Variants in SLC6A13 observed in about 807,000 individuals in gnomAD.
SLC6A13 encodes the protein sodium- and chloride-dependent GABA transporter 2.
Under a neutral mutation model 72.9 loss-of-function variants are expected in SLC6A13, and 69 were observed. The ratio of observed to expected loss-of-function variants is 0.95; its 90% CI spans 0.78 to 1.16. The LOEUF is 1.16. Among genes scored for constraint, SLC6A13 ranks in the 50% most tolerant of loss-of-function variants. The pLI, the probability that SLC6A13 is intolerant of heterozygous loss-of-function variation, is 0.00. For synonymous variants in SLC6A13, 303 were observed against 303.0 expected (o/e 1.00, Z 0.00); for missense variants, 735 against 760.5 (o/e 0.97, Z 0.39).
At chr12:255,389 G>A (rs1399692500) in intron 2 of SLC6A13, among the ~76,000 whole-genome samples, 3 of 152,072 alleles carry the variant, frequency 2.0e-5, no homozygotes, top group Non-Finnish European at 2.9e-5. Flanking sequence ...CAGCTAGAGA[G>A]ATTATTTTAA....
intron 6 of SLC6A13, among the ~76,000 whole-genome samples, chr12:235,970 T>C (rs192329892): frequency 6.6e-6 from 1 of 152,308 alleles, no homozygotes; most frequent in East Asian, 1.9e-4. Context: ...GGAAAAACTC[T>C]GCCCTGGTAA....
Position 223,622 on chromosome 12 carries a change from G to A in SLC6A13, c.1311+370C>T, listed in dbSNP as rs577870681. The A allele has an allele frequency of 2.1e-4, 68 of 324,746 alleles. No homozygotes were observed. The East Asian group carries it at 4.1e-3, about 20-fold the overall frequency. 20.1% of individuals were successfully genotyped at this position (324,746 alleles called of 1,614,324 possible). A position where few individuals can be genotyped will look rare whatever the true frequency, so the allele number is the denominator to read the frequency against. ...CTTCTCCCTTGAGATGCCACAGAAT[G>A]TCACCCAGCCCCAGGCCTCCCTTTC... is the stretch of plus-strand genomic sequence containing the variant. On this transcript the variant is annotated intron_variant, in intron 11 of 14. Coordinates refer to ENST00000343164, the MANE Select transcript of SLC6A13 (RefSeq NM_016615.5).
At chr12:230,603 C>A (rs1941669576) in intron 7 of SLC6A13, among the ~76,000 whole-genome samples, 1 of 152,156 alleles carries the variant, frequency 6.6e-6, no homozygotes, top group Non-Finnish European at 1.5e-5. Context: ...TAATAAAAAG[C>A]AGCTCTTAAA....
At position 240,567 on chromosome 12, in the gene SLC6A13, G is replaced by A. The variant is rs559340749; in HGVS notation, c.478+2047C>T. Reference sequence around the variant, plus strand: ...TCGATCAATATTTTTGAGTGCTTACGATAGAGCCAGCACTGTGCTAGGCAC... The same window carrying A: ...TCGATCAATATTTTTGAGTGCTTACAATAGAGCCAGCACTGTGCTAGGCAC... On this transcript the variant is annotated intron_variant, in intron 4 of 14. Coordinates refer to ENST00000343164, the MANE Select transcript of SLC6A13 (RefSeq NM_016615.5). 2.6e-5 allele frequency among the ~76,000 whole-genome samples: 4 copies of A among 152,334 alleles called. No homozygotes were observed. In the South Asian group the frequency reaches 6.2e-4, roughly 24 times the overall value.
intron 1 of SLC6A13, among the ~76,000 whole-genome samples, chr12:260,747 T>C (rs1329230407): frequency 6.6e-6 from 1 of 152,210 alleles, no homozygotes; most frequent in Non-Finnish European, 1.5e-5. Context: ...ACATACAATA[T>C]GATCATGCTT....
At chr12:232,134 C>G (rs1941733596) in intron 7 of SLC6A13, among the ~76,000 whole-genome samples, 1 of 152,186 alleles carries the variant, frequency 6.6e-6, no homozygotes, top group Non-Finnish European at 1.5e-5. Flanking sequence ...TAAGCACGCC[C>G]TAGTTGTTAG....
At position 254,863 on chromosome 12, in the gene SLC6A13, G is replaced by A. The variant is rs1942684910; in HGVS notation, c.202+4988C>T. Among the ~76,000 whole-genome samples the A allele has an allele frequency of 6.6e-6, 1 of 152,062 alleles. No individual in the cohort carries two copies. The highest frequency in any genetic ancestry group is 2.4e-5 in the African/African-American group (1 of 41,416). ...CTTTCCCTTCAAAACCTGCTCCTCT[G>A]GGGCTAGGCACAGTGGCTTATGCCT... is the stretch of plus-strand genomic sequence containing the variant. On this transcript the variant is annotated intron_variant, in intron 2 of 14. Transcript: ENST00000343164. This position sits in a 1 kb window ranked among gnomAD's most constrained non-coding sequence, Gnocchi z 4.4.
intron 1 of SLC6A13, among the ~76,000 whole-genome samples, chr12:261,874 C>T (rs955923698): frequency 8.6e-5 from 13 of 151,266 alleles, no homozygotes; most frequent in Non-Finnish European, 1.5e-4. Flanking sequence ...TGCAGTGAGC[C>T]GAGATCGCGC....
chr12:238,250 C>T, intron 4 of SLC6A13: 1 of 1,493,376 alleles, frequency 6.7e-7, no homozygotes. Context: ...TCTCCTCAAG[C>T]ATGATCAGAT....
chr12:226,605 C>T, intron 8 of SLC6A13, 91 bp from the exon 9 acceptor site: 1 of 1,464,280 alleles, frequency 6.8e-7, no homozygotes, highest in Non-Finnish European at 9.2e-7. Flanking sequence ...ACAGCCCCTC[C>T]TGGCGGACAC....
chr12:224,051 C>T lies in SLC6A13; in HGVS notation c.1252G>A (p.Val418Ile), dbSNP rs751110404. 6.2e-7 allele frequency: 1 copy of T among 1,614,114 alleles called. No homozygotes were observed. The highest frequency in any genetic ancestry group is 8.5e-7 in the Non-Finnish European group (1 of 1,180,020). Residue 418 changes from valine (V) to isoleucine (I), a missense_variant, in exon 11 of 15, where the codon GTC becomes ATC. Physicochemically the swap from Val to Ile is conservative, Grantham distance 29. Transcript: ENST00000343164. ...ACGACAGATACTCCAAGGATGAGGA[C>T]TTCCCTCCGGTTCTTCTTGCGGAAC... ...HVFRKKNRRE[V>I]LILGVSVVSF...
chr12:262,527 TG>T, intron 1 of SLC6A13: 1 of 185,554 alleles, frequency 5.4e-6, no homozygotes. Context: ...TTTGTTTTCT[TG>T]GAGTTAAATC....
chr12:226,630 C>T, intron 8 of SLC6A13, 116 bp from the exon 9 acceptor site: 1 of 1,326,860 alleles, frequency 7.5e-7, no homozygotes, highest in East Asian at 2.6e-5. Flanking sequence ...CTGGCCCCTT[C>T]ACGGACGCCG....
chr12:227,767 G>A (rs1591826036), intron 7 of SLC6A13, 99 bp from the exon 8 acceptor site: 2 of 1,003,002 alleles, frequency 2.0e-6, no homozygotes, highest in South Asian at 3.3e-5. Flanking sequence ...ACACTGGCTA[G>A]GGATGGCGAG....
intron 7 of SLC6A13, among the ~76,000 whole-genome samples, chr12:231,749 C>T (rs7971952): frequency 0.023 from 3,470 of 152,298 alleles, 102 homozygotes; most frequent in South Asian, 0.16. Flanking sequence ...CATTAATGCT[C>T]AGAAGTTGAA....
At chr12:252,879 C>A (rs1236709700) in intron 2 of SLC6A13, among the ~76,000 whole-genome samples, 2 of 152,064 alleles carry the variant, frequency 1.3e-5, no homozygotes, top group East Asian at 3.9e-4. Context: ...AGCTCCTTGG[C>A]AGCCTGCCAA....
At chr12:240,494 C>T (rs374841122) in intron 4 of SLC6A13, among the ~76,000 whole-genome samples, 27 of 152,306 alleles carry the variant, frequency 1.8e-4, no homozygotes, top group Middle Eastern at 3.4e-3. Flanking sequence ...CGTGAGCCAC[C>T]GCCCCCAGAC....
intron 11 of SLC6A13, chr12:223,679 C>T: frequency 2.6e-6 from 1 of 380,970 alleles, no homozygotes; most frequent in Non-Finnish European, 4.9e-6. Context: ...GAACTTGGTT[C>T]AGCTGCCTGG....
rs1484360250 is a variant in SLC6A13 at position 220,926 on chromosome 12, G to T, written c.*22C>A. On this transcript the variant is annotated 3_prime_UTR_variant, in exon 15 of 15. Transcript: ENST00000343164. ...GCCATCCCCAAGGCCAGGCACACAG[G>T]CACCATCCAAGGGCCTGCCCCCTAG... The T allele has an allele frequency of 6.2e-7, 1 of 1,610,444 alleles. No individual in the cohort carries two copies. Among genetic ancestry groups the T allele is most frequent in the South Asian group, 1.1e-5 (1 of 90,934 alleles).
Sources: allele counts gnomAD v4.1 joint callset (sites outside exome capture counted in the v4.1 genomes callset), GRCh38; gene constraint gnomAD v4.1.1; non-coding constraint Gnocchi (gnomAD v3.1); transcripts MANE v1.5; gene names NCBI Gene and HGNC (gene_info 2026-07-23, HGNC 2026-07-21).